MPHOSPH9: variants seen among roughly 807,000 people sequenced by gnomAD.
MPHOSPH9 encodes M-phase phosphoprotein 9.
MPHOSPH9 carries 88 observed loss-of-function variants against 145.5 expected under a neutral mutation model. The ratio of observed to expected loss-of-function variants is 0.60; its 90% confidence interval spans 0.51 to 0.72. The LOEUF is 0.72. Among genes scored for constraint, MPHOSPH9 ranks in the 30% least tolerant of loss-of-function variants. MPHOSPH9 has a pLI of 0.00. For synonymous variants in MPHOSPH9, 435 were observed against 486.2 expected, an observed-to-expected ratio of 0.89 and a Z score of 1.39; for missense variants, 1,238 against 1,386.6, an observed-to-expected ratio of 0.89 and a Z score of 1.70.
chr12:123,160,479 C>T, intron 23 of MPHOSPH9: 1 of 299,890 alleles, frequency 3.3e-6, no homozygotes, highest in Non-Finnish European at 6.1e-6. Context: ...TGAGCACTAA[C>T]TTAGTGTAAA....
chr12:123,220,712 C>T (rs1421151434), intron 5 of MPHOSPH9, among the ~76,000 whole-genome samples: 1 of 151,962 alleles, frequency 6.6e-6, no homozygotes, highest in East Asian at 1.9e-4. Flanking sequence ...GCTATGATTG[C>T]ACCACGGCAC....
At chr12:123,213,719 A>G (rs926320854) in intron 7 of MPHOSPH9, among the ~76,000 whole-genome samples, 1 of 152,220 alleles carries the variant, frequency 6.6e-6, no homozygotes, top group Non-Finnish European at 1.5e-5. Flanking sequence ...ACAATTCAGT[A>G]TAAAGTGAGG....
chr12:123,171,536 G>A (rs1009718096), intron 16 of MPHOSPH9, among the ~76,000 whole-genome samples: 4 of 151,990 alleles, frequency 2.6e-5, no homozygotes, highest in Non-Finnish European at 5.9e-5. Flanking sequence ...ATCACTTGAG[G>A]TCAGGAGTTT....
intron 14 of MPHOSPH9, among the ~76,000 whole-genome samples, 154 bp from the exon 15 acceptor site, chr12:123,180,144 G>C (rs1247207278): frequency 6.6e-6 from 1 of 152,170 alleles, no homozygotes; most frequent in East Asian, 1.9e-4. Context: ...AGGACCAACA[G>C]TTCAAGGAAA....
rs186016440 is a variant in MPHOSPH9, at chr12:123,177,174, G to A, written c.2355-385C>T. 9.9e-5 allele frequency among the ~76,000 whole-genome samples: 15 copies of A among 151,494 alleles called. No homozygotes were observed. In the East Asian group the frequency reaches 2.5e-3, roughly 26 times the overall value. ...CAGCCTGGCGACAGAGTGAGACTCC[G>A]TCACACACAAAAAAAGAGTTGCAAG... On this transcript the variant is annotated intron_variant, in intron 15 of 23. Transcript: ENST00000606320.
upstream of MPHOSPH9, among the ~76,000 whole-genome samples, chr12:123,238,146 G>GCCTC (rs2047880048): frequency 6.6e-6 from 1 of 152,036 alleles, no homozygotes; most frequent in Admixed American, 6.6e-5. Context: ...TCCACCCTCA[G>GCCTC]CCTCCCAAAG....
intron 1 of MPHOSPH9, among the ~76,000 whole-genome samples, chr12:123,239,280 CGTT>C (rs2047894242): frequency 2.0e-5 from 3 of 152,122 alleles, no homozygotes; most frequent in South Asian, 4.1e-4. Context: ...AATAATAAAA[CGTT>C]GATCACGTGT....
rs994880112 is a variant in MPHOSPH9 at position 123,159,308 on chromosome 12, C to T, written c.3450+1473G>A. On this transcript the variant is annotated intron_variant, in intron 23 of 23. Coordinates refer to ENST00000606320, the MANE Select transcript of MPHOSPH9 (RefSeq NM_022782.4). This position sits in a 1 kb window ranked among gnomAD's most constrained non-coding sequence, Gnocchi z 4.3. ...CCTCCCGAGTAGCTAGGACTGCAGGCGTGCACTACCACGCCTGGCTAATTT... is the reference window on the plus strand; with the variant it reads ...CCTCCCGAGTAGCTAGGACTGCAGGTGTGCACTACCACGCCTGGCTAATTT... Among the ~76,000 whole-genome samples, 4 of 152,014 alleles carry T rather than the reference C, an allele frequency of 2.6e-5. No individual in the cohort carries two copies. The highest frequency in any genetic ancestry group is 5.9e-5 in the Non-Finnish European group (4 of 67,972).
At chr12:123,203,992 C>T (rs1163424918) in intron 8 of MPHOSPH9, among the ~76,000 whole-genome samples, 1 of 151,992 alleles carries the variant, frequency 6.6e-6, no homozygotes, top group East Asian at 1.9e-4. Context: ...TAGCCAATAG[C>T]CAAGTTTTGA....
chr12:123,198,232 A>G lies in MPHOSPH9; in HGVS notation c.2025+15T>C. 1 of 1,593,308 alleles carries G rather than the reference A, an allele frequency of 6.3e-7. No homozygotes were observed. Among genetic ancestry groups the G allele is most frequent in the Non-Finnish European group, 8.6e-7 (1 of 1,165,602 alleles). On this transcript the variant is annotated intron_variant, in intron 12 of 23. Coordinates refer to ENST00000606320, the MANE Select transcript of MPHOSPH9 (RefSeq NM_022782.4). ...TTTGTCTCACCAGAACACCCACCAA[A>G]AAAAGAGTACTTACCACTTCAATTT...
At chr12:123,218,309 T>C (rs937333521) in intron 6 of MPHOSPH9, 67 bp downstream of exon 6, 98 of 1,576,992 alleles carry the variant, frequency 6.2e-5, no homozygotes, top group African/African-American at 2.7e-5. Context: ...GTTTTGTTCA[T>C]GAGCGTGTAC....
chr12:123,177,360 C>T (rs549275276), intron 15 of MPHOSPH9, among the ~76,000 whole-genome samples: 191 of 151,818 alleles, frequency 1.3e-3, no homozygotes, highest in Non-Finnish European at 2.1e-3. Context: ...ATGGTGAAAC[C>T]CCCATCTCTA....
At chr12:123,173,283 T>C (rs1019034630) in intron 16 of MPHOSPH9, among the ~76,000 whole-genome samples, 1 of 152,172 alleles carries the variant, frequency 6.6e-6, no homozygotes, top group African/African-American at 2.4e-5. Flanking sequence ...GTCTTCACCT[T>C]GATCTCTCAA....
chr12:123,158,692 T>C (rs930528113), intron 23 of MPHOSPH9, among the ~76,000 whole-genome samples: 1 of 151,956 alleles, frequency 6.6e-6, no homozygotes, highest in African/African-American at 2.4e-5. Context: ...AGTGCAGTGG[T>C]GCAATCTCAG....
chr12:123,175,215 A>ATGG, intron 16 of MPHOSPH9, among the ~76,000 whole-genome samples: 1 of 151,662 alleles, frequency 6.6e-6, no homozygotes, highest in Non-Finnish European at 1.5e-5. Flanking sequence ...CAGTGGCGCA[A>ATGG]TCTCGACTCA....
At chr12:123,160,930 T>C in intron 22 of MPHOSPH9, 81 bp from the exon 23 acceptor site, 4 of 1,468,050 alleles carry the variant, frequency 2.7e-6, no homozygotes, top group Non-Finnish European at 3.7e-6. Context: ...GGTTTTGGCT[T>C]AGTATTTCCT....
At chr12:123,204,766 G>A (rs1285076386) in intron 8 of MPHOSPH9, among the ~76,000 whole-genome samples, 4 of 152,030 alleles carry the variant, frequency 2.6e-5, no homozygotes, top group Non-Finnish European at 4.4e-5. Context: ...TCCCAGCAAC[G>A]CAGGAGACTG....
chr12:123,238,519 C>G (rs1014521427), intron 1 of MPHOSPH9, among the ~76,000 whole-genome samples: 1 of 151,998 alleles, frequency 6.6e-6, no homozygotes. Flanking sequence ...GACTGTAATC[C>G]CAGCACTTTT....
At position 123,218,882 on chromosome 12, in the gene MPHOSPH9, G is replaced by GT. The variant is rs72522559; in HGVS notation, c.873-384dup. On this transcript the variant is annotated intron_variant, in intron 5 of 23. Transcript: ENST00000606320. ...TAACCACCAGTTGCTTTCAGTTGTTGTGTGTGTGGTTTTTGTTTGTTTGTT... is the reference window on the plus strand; with the variant it reads ...TAACCACCAGTTGCTTTCAGTTGTTGTTGTGTGTGGTTTTTGTTTGTTTGTT... Among the ~76,000 whole-genome samples the GT allele has an allele frequency of 1.2e-4, 14 of 113,248 alleles. No homozygotes were observed. In the East Asian group the frequency reaches 2.5e-3, roughly 21 times the overall value. 74.3% of individuals were successfully genotyped at this position (113,248 alleles called of 152,430 possible).
Sources: gnomAD v4.1 joint callset for allele counts (sites outside exome capture counted in the v4.1 genomes callset) on GRCh38, gnomAD v4.1.1 for gene constraint, Gnocchi (gnomAD v3.1) non-coding constraint, MANE v1.5 for transcripts, NCBI Gene and HGNC (gene_info 2026-07-23, HGNC 2026-07-21) for gene names.